SLC2A13: variants seen among roughly 807,000 people sequenced by gnomAD.
The protein encoded by SLC2A13 is proton myo-inositol cotransporter.
SLC2A13 carries 32 observed loss-of-function variants against 64.4 expected under a neutral mutation model. The observed-to-expected ratio is 0.50, with a 90% CI of 0.37 to 0.67. The LOEUF is 0.67. SLC2A13 is among the 30% of genes least tolerant of loss of function. The probability of loss-of-function intolerance (pLI) is 0.00; values close to 1 mark genes in which losing one functional copy is unlikely to be tolerated. For synonymous variants in SLC2A13, 338 were observed against 327.1 expected, an observed-to-expected ratio of 1.03 and a Z score of -0.36; for missense variants, 743 against 829.2, an observed-to-expected ratio of 0.90 and a Z score of 1.28.
rs1377428468 is a variant in SLC2A13 at position 39,758,878 on chromosome 12, A to T, written c.*1148T>A. On this transcript the variant is annotated 3_prime_UTR_variant, in exon 10 of 10. Transcript: ENST00000280871. ...TATGCTCTTAAAGTAAAAAAAGACA[A>T]GTACAATTAAATAATAATATGTGAC... 1 of 152,030 alleles carries T rather than the reference A, an allele frequency of 6.6e-6. No homozygotes were observed. Among genetic ancestry groups the T allele is most frequent in the East Asian group, 1.9e-4 (1 of 5,274 alleles). 9.4% of individuals were successfully genotyped at this position (152,030 alleles called of 1,614,324 possible).
At chr12:39,771,772 C>G (rs1324108070) in intron 7 of SLC2A13, among the ~76,000 whole-genome samples, 1 of 152,124 alleles carries the variant, frequency 6.6e-6, no homozygotes, top group Admixed American at 6.5e-5. Flanking sequence ...GCTCAAAAAC[C>G]TCCATCCTCC....
At chr12:39,874,615 C>CAAA (rs11287868) in intron 4 of SLC2A13, among the ~76,000 whole-genome samples, 3 of 101,110 alleles carry the variant, frequency 3.0e-5, no homozygotes, top group African/African-American at 3.7e-5. Context: ...AACTCCATCT[C>CAAA]AAAAAAAAAA....
chr12:39,896,503 TATGTAC>T (rs1219775661), intron 4 of SLC2A13, among the ~76,000 whole-genome samples: 1 of 146,456 alleles, frequency 6.8e-6, no homozygotes, highest in Non-Finnish European at 1.5e-5. Context: ...CACATATATG[TATGTAC>T]ATGTGTGTAT....
chr12:40,007,996 G>C (rs936244301), intron 3 of SLC2A13, among the ~76,000 whole-genome samples: 1 of 152,074 alleles, frequency 6.6e-6, no homozygotes, highest in Non-Finnish European at 1.5e-5. Flanking sequence ...CTACTTCTGA[G>C]GTAGAGTCTG....
chr12:39,854,241 GATA>G (rs199775239), intron 6 of SLC2A13, among the ~76,000 whole-genome samples: 32 of 151,808 alleles, frequency 2.1e-4, no homozygotes, highest in Non-Finnish European at 4.3e-4. Flanking sequence ...TGTAAAATTG[GATA>G]ATAATAATAA....
At chr12:40,049,214 T>TA (rs199668365) in intron 1 of SLC2A13, among the ~76,000 whole-genome samples, 20,919 of 144,104 alleles carry the variant, frequency 0.15, 1,644 homozygotes, top group African/African-American at 0.22. Flanking sequence ...AAAGCCTCCA[T>TA]AAAAAAAAAA....
rs371309157 is a variant in SLC2A13 at position 39,961,027 on chromosome 12, G to A, written c.926-9662C>T. Reference sequence around the variant, plus strand: ...CTTCCAAAATGCTGGGATTACAGGCGTGAGCCATTGTGCCTGGCCCTTGCA... The same window carrying A: ...CTTCCAAAATGCTGGGATTACAGGCATGAGCCATTGTGCCTGGCCCTTGCA... On this transcript the variant is annotated intron_variant, in intron 3 of 9. Transcript: ENST00000280871. Among the ~76,000 whole-genome samples the A allele has an allele frequency of 2.6e-4, 39 of 151,026 alleles. No individual in the cohort carries two copies. In the East Asian group the frequency reaches 4.3e-3, roughly 17 times the overall value.
At chr12:40,059,603 G>C (rs1312475220) in intron 1 of SLC2A13, among the ~76,000 whole-genome samples, 1 of 152,174 alleles carries the variant, frequency 6.6e-6, no homozygotes, top group African/African-American at 2.4e-5. Flanking sequence ...GTATGGGGAA[G>C]GAGCACGGAG....
intron 3 of SLC2A13, among the ~76,000 whole-genome samples, chr12:39,960,429 G>T (rs541543412): frequency 2.3e-4 from 35 of 152,296 alleles, no homozygotes; most frequent in African/African-American, 7.0e-4. Context: ...TGTCTAAGCT[G>T]CAGTGCAGCA....
At chr12:40,029,813 T>C (rs1254090407) in intron 2 of SLC2A13, among the ~76,000 whole-genome samples, 1 of 152,188 alleles carries the variant, frequency 6.6e-6, no homozygotes, top group Non-Finnish European at 1.5e-5. Flanking sequence ...GCCTGCAGTG[T>C]TAAATCTTAT....
chr12:40,075,640 T>C (rs1188812735), intron 1 of SLC2A13, among the ~76,000 whole-genome samples: 1 of 152,188 alleles, frequency 6.6e-6, no homozygotes, highest in Non-Finnish European at 1.5e-5. Context: ...TTTATGTCTT[T>C]CACCAAGTTT....
At chr12:39,797,782 G>A (rs985001885) in intron 7 of SLC2A13, among the ~76,000 whole-genome samples, 13 of 138,238 alleles carry the variant, frequency 9.4e-5, no homozygotes, top group African/African-American at 1.6e-4. Context: ...ACACATACAC[G>A]GATGCATACT....
chr12:39,895,257 G>T (rs189410327), intron 4 of SLC2A13, among the ~76,000 whole-genome samples: 1 of 151,784 alleles, frequency 6.6e-6, no homozygotes, highest in East Asian at 1.9e-4. Flanking sequence ...AAAAAAGGCC[G>T]AGGCGGGCGG....
chr12:40,036,438 A>C (rs1346328774), intron 2 of SLC2A13, among the ~76,000 whole-genome samples: 1 of 152,218 alleles, frequency 6.6e-6, no homozygotes, highest in Admixed American at 6.5e-5. Context: ...GAACATTTCC[A>C]TAATTCCAGG....
chr12:39,996,359 G>A (rs1036526662), intron 3 of SLC2A13, among the ~76,000 whole-genome samples: 15 of 152,182 alleles, frequency 9.9e-5, no homozygotes, highest in Non-Finnish European at 1.5e-4. Flanking sequence ...GGGAAGCACA[G>A]CATAAAAGTT....
rs116864748 is a variant in SLC2A13, at chr12:40,046,676, A to G, written c.716+1375T>C. ...AGAAAGAAACTTCCTGCTTCAGTTT[A>G]GCAACATCTGCAGACACAACAACCG... On this transcript the variant is annotated intron_variant, in intron 2 of 9. Transcript: ENST00000280871. 4.8e-4 allele frequency among the ~76,000 whole-genome samples: 73 copies of G among 151,672 alleles called. 2 individuals carry two copies. The East Asian group carries it at 0.014, about 29-fold the overall frequency.
intron 4 of SLC2A13, among the ~76,000 whole-genome samples, chr12:39,918,494 G>A (rs912883575): frequency 6.6e-6 from 1 of 151,700 alleles, no homozygotes; most frequent in Non-Finnish European, 1.5e-5. Flanking sequence ...AGATCTGCTT[G>A]ATAGGTTGAG....
chr12:40,010,147 T>A (rs999198075), intron 3 of SLC2A13, among the ~76,000 whole-genome samples: 26 of 152,236 alleles, frequency 1.7e-4, no homozygotes, highest in Non-Finnish European at 3.7e-4. Context: ...AAGAGACAGA[T>A]CTTATGATGG....
intron 5 of SLC2A13, among the ~76,000 whole-genome samples, chr12:39,865,523 A>G (rs1452261955): frequency 6.6e-6 from 1 of 152,200 alleles, no homozygotes; most frequent in Admixed American, 6.5e-5. Flanking sequence ...AGGAATGGTG[A>G]TTAAGTATAT....
Sources: gnomAD v4.1 joint callset for allele counts (sites outside exome capture counted in the v4.1 genomes callset) on GRCh38, gnomAD v4.1.1 for gene constraint, MANE v1.5 for transcripts, NCBI Gene and HGNC (gene_info 2026-07-23, HGNC 2026-07-21) for gene names.